The following CDKN2A variants were observed in gnomAD, a reference collection of about 807,000 sequenced individuals.
CDKN2A encodes cyclin dependent kinase inhibitor 2A.
In CDKN2A, 3 loss-of-function variants were observed where a neutral mutation model predicts 11.1. The ratio of observed to expected loss-of-function variants is 0.27; its 90% CI spans 0.12 to 0.70. The LOEUF is 0.70. Ranked by LOEUF, CDKN2A falls within the 30% of genes least tolerant of loss-of-function variation. The pLI, the probability that CDKN2A is intolerant of heterozygous loss-of-function variation, is 0.77. For missense variants in CDKN2A, 265 were observed against 233.6 expected (o/e 1.13, Z -0.88); for synonymous variants, 122 against 108.1 (o/e 1.13, Z -0.80).
At chr9:21,984,295 A>G (rs973994243) in intron 2 of CDKN2A, among the ~76,000 whole-genome samples, 2 of 151,824 alleles carry the variant, frequency 1.3e-5, no homozygotes, top group Non-Finnish European at 2.9e-5. Flanking sequence ...TCCAAAAAAA[A>G]CCCCTCATTA....
chr9:21,990,611 T>TGAGAGAGATAGAGAGA (rs1820405727), intron 2 of CDKN2A, among the ~76,000 whole-genome samples: 1 of 89,676 alleles, frequency 1.1e-5, no homozygotes, highest in Non-Finnish European at 2.2e-5. Flanking sequence ...ACTAATTTGG[T>TGAGAGAGATAGAGAGA]GAGAGAGAGA....
intron 2 of CDKN2A, 143 bp downstream of exon 2, chr9:21,970,759 A>C: frequency 9.8e-7 from 1 of 1,023,064 alleles, no homozygotes; most frequent in Non-Finnish European, 1.5e-6. Flanking sequence ...CGATAGGGAG[A>C]CTCAGGCCGT....
chr9:21,978,512 A>G (rs531207709), upstream of CDKN2A, among the ~76,000 whole-genome samples: 5 of 152,344 alleles, frequency 3.3e-5, no homozygotes, highest in African/African-American at 1.2e-4. Context: ...ATGATAATGT[A>G]TGTCCAAAAG....
intron 1 of CDKN2A, among the ~76,000 whole-genome samples, chr9:21,972,043 C>G (rs1257085068): frequency 6.6e-6 from 1 of 150,688 alleles, no homozygotes; most frequent in African/African-American, 2.4e-5. Context: ...AACCACCATT[C>G]TACTCTTTAC....
chr9:21,970,660 C>T, intron 2 of CDKN2A: 2 of 620,688 alleles, frequency 3.2e-6, no homozygotes, highest in South Asian at 3.8e-5. Flanking sequence ...TGGTGGTATG[C>T]TTTGGGAAGT....
At chr9:21,976,559 A>G (rs536322567), upstream of CDKN2A, among the ~76,000 whole-genome samples, 2 of 152,068 alleles carry the variant, frequency 1.3e-5, no homozygotes, top group South Asian at 4.2e-4. Flanking sequence ...CTACTAAAAA[A>G]TACAAAATTA....
rs2131078953 is a variant in CDKN2A at position 21,968,168 on chromosome 9, A to G, written c.*61T>C. 1.3e-6 allele frequency: 2 copies of G among 1,493,320 alleles called. No homozygotes were observed. Among genetic ancestry groups the G allele is most frequent in the Non-Finnish European group, 1.9e-6 (2 of 1,071,652 alleles). The allele number at this position is 1,493,320 out of a possible 1,614,324, so 92.5% of individuals were successfully genotyped here. ...GTGGCGGGGGCAGTTGTGGCCCTGT[A>G]GGACCTTCGGTGACTGATGATCTAA... On this transcript the variant is annotated 3_prime_UTR_variant, in exon 3 of 3. Coordinates refer to ENST00000304494, the MANE Select transcript of CDKN2A (RefSeq NM_000077.5). This position sits in a 1 kb window ranked among gnomAD's most constrained non-coding sequence, Gnocchi z 4.7.
At chr9:21,978,467 A>G (rs1820093533), upstream of CDKN2A, among the ~76,000 whole-genome samples, 1 of 152,090 alleles carries the variant, frequency 6.6e-6, no homozygotes, top group South Asian at 2.1e-4. Flanking sequence ...TATGTGCAAA[A>G]TGGGATTATA....
intron 2 of CDKN2A, among the ~76,000 whole-genome samples, chr9:21,980,588 C>A (rs1820147095): frequency 6.6e-6 from 1 of 152,108 alleles, no homozygotes; most frequent in Non-Finnish European, 1.5e-5. Flanking sequence ...ATGTCAGGCA[C>A]TCGGCTTAAA....
chr9:21,971,775 A>G (rs1819775439), intron 1 of CDKN2A, among the ~76,000 whole-genome samples: 1 of 151,982 alleles, frequency 6.6e-6, no homozygotes, highest in African/African-American at 2.4e-5. Context: ...ACAGTTGTAT[A>G]TATTTATGTG....
At chr9:21,970,503 G>C in intron 2 of CDKN2A, 1 of 447,116 alleles carries the variant, frequency 2.2e-6, no homozygotes, top group East Asian at 3.9e-5. Flanking sequence ...GGTCCAGCCA[G>C]CTTGGTATGC....
intron 2 of CDKN2A, among the ~76,000 whole-genome samples, chr9:21,982,324 T>C (rs1415986811): frequency 2.0e-5 from 3 of 152,176 alleles, no homozygotes; most frequent in Admixed American, 6.5e-5. Context: ...TATTACTTAT[T>C]ATATAGCAGG....
exon 2 of CDKN2A, chr9:21,993,989 A>C: frequency 2.4e-6 from 2 of 824,196 alleles, no homozygotes; most frequent in Non-Finnish European, 4.0e-6. Context: ...CCACATGTCT[A>C]AGTCGTTGTA....
At position 21,967,881 on chromosome 9, in the gene CDKN2A, C is replaced by A. The variant is rs932402430; in HGVS notation, c.*348G>T. On this transcript the variant is annotated 3_prime_UTR_variant, in exon 3 of 3. Transcript: ENST00000304494. ...GTTCACAAAATGCTTGTCATGAAGT[C>A]GACAGCTTCCGGAGGCTGCGAGGCT... 5.7e-6 allele frequency: 2 copies of A among 349,980 alleles called. No individual in the cohort carries two copies. The highest frequency in any genetic ancestry group is 4.3e-5 in the Admixed American group (1 of 23,026). 21.7% of individuals were successfully genotyped at this position (349,980 alleles called of 1,614,324 possible).
chr9:21,994,053 G>A, exon 2 of CDKN2A: 2 of 1,443,496 alleles, frequency 1.4e-6, no homozygotes, highest in Non-Finnish European at 1.9e-6. Context: ...CCTAGCCTGG[G>A]CTAGAGACGA....
At position 21,968,489 on chromosome 9, in the gene CDKN2A, G is replaced by T. The variant is rs544205753; in HGVS notation, c.458-247C>A. ...CTCAAGCGCTCCAGGTCCACCCGGC[G>T]GAGGGCAGAGAAAGCGCGACCGCGC... On this transcript the variant is annotated intron_variant, in intron 2 of 2. Coordinates refer to ENST00000304494, the MANE Select transcript of CDKN2A (RefSeq NM_000077.5). This position sits in a 1 kb window ranked among gnomAD's most constrained non-coding sequence, Gnocchi z 4.7. 52 of 1,457,536 alleles carry T rather than the reference G, an allele frequency of 3.6e-5. No homozygotes were observed. The highest frequency in any genetic ancestry group is 4.6e-5 in the Non-Finnish European group (51 of 1,112,054). 90.3% of individuals were successfully genotyped at this position (1,457,536 alleles called of 1,614,324 possible).
upstream of CDKN2A, among the ~76,000 whole-genome samples, chr9:21,976,959 A>C (rs2131119342): frequency 6.6e-6 from 1 of 152,380 alleles, no homozygotes; most frequent in East Asian, 1.9e-4. Context: ...CCTTAAGCAC[A>C]TGCTTAATCT....
rs1554656241 is a variant in CDKN2A at position 21,974,691 on chromosome 9, C to T, written c.137G>A (p.Arg46Gln). The T allele has an allele frequency of 6.2e-7, 1 of 1,614,006 alleles. No homozygotes were observed. Among genetic ancestry groups the T allele is most frequent in the South Asian group, 1.1e-5 (1 of 91,084 alleles). The change falls in exon 1 of 3, where the codon CGG becomes CAG. Residue 46 changes from arginine to glutamine, a missense_variant. Transcript: ENST00000304494. This position sits in a 1 kb window ranked among gnomAD's most constrained non-coding sequence, Gnocchi z 5.2. ...ALPNAPNSYG[R>Q]RPIQVMMMGS... The stretch of plus-strand genomic sequence containing the variant: ...CCCTCTACCCACCTGGATCGGCCTC[C>T]GACCGTAACTATTCGGTGCGTTGGG...
intron 1 of CDKN2A, chr9:21,994,725 G>C (rs1295184758): frequency 1.1e-5 from 2 of 185,698 alleles, no homozygotes; most frequent in Admixed American, 7.4e-5. Flanking sequence ...CCCTCAGCGC[G>C]GGCGCCCCGC....
Sources: allele counts gnomAD v4.1 joint callset (sites outside exome capture counted in the v4.1 genomes callset), GRCh38; gene constraint gnomAD v4.1.1; non-coding constraint Gnocchi (gnomAD v3.1); transcripts MANE v1.5; gene names NCBI Gene and HGNC (gene_info 2026-07-23, HGNC 2026-07-21).